Variants in TBL1XR1 observed in about 807,000 individuals in gnomAD.
The protein encoded by TBL1XR1 is TBL1X/Y related 1.
A neutral mutation model predicts 66.9 loss-of-function variants in TBL1XR1; 5 were observed. The ratio of observed to expected loss-of-function variants is 0.07; its 90% CI spans 0.04 to 0.16. The LOEUF (loss-of-function observed/expected upper bound fraction) is 0.16. Among genes scored for constraint, TBL1XR1 ranks in the 10% least tolerant of loss-of-function variants. The pLI is 1.00. For synonymous variants in TBL1XR1, 210 were observed against 206.0 expected (o/e 1.02, Z -0.17); for missense variants, 238 against 623.2 (o/e 0.38, Z 6.58).
chr3:177,199,716 G>A (rs1387061144), upstream of TBL1XR1, among the ~76,000 whole-genome samples: 9 of 152,002 alleles, frequency 5.9e-5, no homozygotes, highest in South Asian at 2.1e-4. Context: ...ATAGGATCAG[G>A]TCTTCCAGCC....
intron 14 of TBL1XR1, among the ~76,000 whole-genome samples, chr3:177,030,468 C>G (rs1392250017): frequency 6.6e-6 from 1 of 151,940 alleles, no homozygotes. Flanking sequence ...AATTTTACCA[C>G]AGAAAATAGT....
At chr3:177,109,031 G>C (rs1725232545) in intron 1 of TBL1XR1, among the ~76,000 whole-genome samples, 1 of 152,128 alleles carries the variant, frequency 6.6e-6, no homozygotes. Context: ...TTCTATAATA[G>C]AGATGAAAAT....
intron 1 of TBL1XR1, among the ~76,000 whole-genome samples, chr3:177,162,019 C>A (rs1732270989): frequency 6.6e-6 from 1 of 152,156 alleles, no homozygotes; most frequent in South Asian, 2.1e-4. Context: ...AAAGAGCAGA[C>A]TGGCACAATC....
rs1268921704 is a variant in TBL1XR1 at position 177,025,458 on chromosome 3, T to A, written c.*40A>T. ...GTCAGGGACAGTCATTTTGGCTATG[T>A]ACACATTCATAGTCGGTCCATGGCT... On this transcript the variant is annotated 3_prime_UTR_variant, in exon 16 of 16. Coordinates refer to ENST00000457928, the MANE Select transcript of TBL1XR1 (RefSeq NM_024665.7). 1 of 1,609,500 alleles carries A rather than the reference T, an allele frequency of 6.2e-7. No individual in the cohort carries two copies. Among genetic ancestry groups the A allele is most frequent in the East Asian group, 2.2e-5 (1 of 44,840 alleles).
rs1050190212 is a variant in TBL1XR1 at position 177,025,808 on chromosome 3, C to A, written c.1519-284G>T. Among the ~76,000 whole-genome samples, 2 of 152,108 alleles carry A rather than the reference C, an allele frequency of 1.3e-5. 1 individual carries two copies. Among genetic ancestry groups the A allele is most frequent in the East Asian group, 3.8e-4 (2 of 5,196 alleles). On this transcript the variant is annotated intron_variant, in intron 15 of 15. Transcript: ENST00000457928. ...GAGGGGGAAAATGCTCAAAACAGAC[C>A]ATTTCCTATCTATTGGACCCTAATG...
chr3:177,157,572 G>C (rs765405740), intron 1 of TBL1XR1, among the ~76,000 whole-genome samples: 7 of 152,176 alleles, frequency 4.6e-5, no homozygotes, highest in Non-Finnish European at 7.3e-5. Context: ...ATCACTCTCT[G>C]CATCAAGGCT....
intron 2 of TBL1XR1, among the ~76,000 whole-genome samples, chr3:177,093,023 C>T (rs1381474346): frequency 1.3e-5 from 2 of 152,148 alleles, no homozygotes; most frequent in Non-Finnish European, 2.9e-5. Context: ...GGAAGGCAAA[C>T]TGTTGCTGTT....
intron 1 of TBL1XR1, among the ~76,000 whole-genome samples, chr3:177,184,632 T>C (rs1018584794): frequency 6.6e-6 from 1 of 152,026 alleles, no homozygotes; most frequent in Admixed American, 6.6e-5. Context: ...TGAAATCCCG[T>C]CTCTACTAAA....
rs555376213 is a variant in TBL1XR1, at chr3:177,059,530, T to G, written c.58+5390A>C. On this transcript the variant is annotated intron_variant, in intron 3 of 15. Coordinates refer to ENST00000457928, the MANE Select transcript of TBL1XR1 (RefSeq NM_024665.7). ...TATAACATTTGAAGTAATAATCATC[T>G]CAAAAAACAAATGGTATGGTACAAG... Among the ~76,000 whole-genome samples the G allele has an allele frequency of 3.9e-5, 6 of 152,224 alleles. No individual in the cohort carries two copies. In the South Asian group the frequency reaches 1.2e-3, roughly 32 times the overall value.
At chr3:177,158,322 G>A (rs1349929090) in intron 1 of TBL1XR1, among the ~76,000 whole-genome samples, 2 of 150,762 alleles carry the variant, frequency 1.3e-5, no homozygotes, top group Non-Finnish European at 3.0e-5. Context: ...CTACCCTCCT[G>A]GGTTCAAGCC....
rs1560188974 is a variant in TBL1XR1, at chr3:177,112,109, T to TA, written c.-121-13569_-121-13568insT. Among the ~76,000 whole-genome samples the TA allele has an allele frequency of 7.1e-3, 260 of 36,618 alleles. 1 individual carries two copies. The highest frequency in any genetic ancestry group is 8.6e-3 in the South Asian group (9 of 1,050). The allele number at this position is 36,618 out of a possible 152,430, so 24.0% of individuals were successfully genotyped here. ...TATATATATATATATATATATATAT[T>TA]TTTTTTTTTTTTTTTTGTGAGGGGC... is the stretch of plus-strand genomic sequence containing the variant. On this transcript the variant is annotated intron_variant, in intron 1 of 15. Coordinates refer to ENST00000457928, the MANE Select transcript of TBL1XR1 (RefSeq NM_024665.7).
At chr3:177,093,423 C>T (rs1442244044) in intron 2 of TBL1XR1, among the ~76,000 whole-genome samples, 4 of 152,116 alleles carry the variant, frequency 2.6e-5, no homozygotes, top group Non-Finnish European at 4.4e-5. Context: ...AAATTCAGTG[C>T]AATTCCCATC....
chr3:177,028,150 A>G (rs1459549421), intron 14 of TBL1XR1, among the ~76,000 whole-genome samples: 2 of 152,208 alleles, frequency 1.3e-5, no homozygotes, highest in Admixed American at 1.3e-4. Context: ...GTATGCTGGC[A>G]CAAGACTTCT....
chr3:177,191,538 G>A (rs985005482), intron 1 of TBL1XR1, among the ~76,000 whole-genome samples: 1 of 152,116 alleles, frequency 6.6e-6, no homozygotes, highest in African/African-American at 2.4e-5. Context: ...GTATAGTCCT[G>A]ATACATAGAA....
chr3:177,176,342 T>C (rs1734150007), intron 1 of TBL1XR1, among the ~76,000 whole-genome samples: 1 of 151,008 alleles, frequency 6.6e-6, no homozygotes, highest in African/African-American at 2.4e-5. Context: ...GATTACAGGC[T>C]TGCGCCACCA....
intron 2 of TBL1XR1, chr3:177,091,054 CAGGAATTGGGGAGATA>C (rs1015626880): frequency 1.6e-4 from 24 of 148,780 alleles, no homozygotes; most frequent in Admixed American, 1.6e-3. Flanking sequence ...GAAATGGGAG[CAGGAATTGGGGAGATA>C]GGGGAGGGGA....
At chr3:177,098,191 A>G (rs146515877) in intron 2 of TBL1XR1, among the ~76,000 whole-genome samples, 2,768 of 151,112 alleles carry the variant, frequency 0.018, 88 homozygotes, top group African/African-American at 0.064. Flanking sequence ...CAGCCTGGCC[A>G]ACAAGAACGA....
Position 177,094,969 on chromosome 3 carries a change from AAATAAAAAAAG to A in TBL1XR1, c.-46+3486_-46+3496del, listed in dbSNP as rs1723279187. Among the ~76,000 whole-genome samples, 5 of 152,180 alleles carry A rather than the reference AAATAAAAAAAG, an allele frequency of 3.3e-5. 1 individual carries two copies. The South Asian group carries it at 1.0e-3, about 32-fold the overall frequency. ...CACCTATTCCCCCAAAAACCGACTG[AAATAAAAAAAG>A]AATAAAAAAATAAAGAAAATGCGTT... On this transcript the variant is annotated intron_variant, in intron 2 of 15. Coordinates refer to ENST00000457928, the MANE Select transcript of TBL1XR1 (RefSeq NM_024665.7).
intron 2 of TBL1XR1, among the ~76,000 whole-genome samples, chr3:177,082,980 G>C (rs149278043): frequency 6.6e-6 from 1 of 151,010 alleles, no homozygotes; most frequent in Admixed American, 6.6e-5. Context: ...GGATGGTCTC[G>C]ATCTCCTGAC....
Sources: allele counts gnomAD v4.1 joint callset (sites outside exome capture counted in the v4.1 genomes callset), GRCh38; gene constraint gnomAD v4.1.1; transcripts MANE v1.5; gene names NCBI Gene and HGNC (gene_info 2026-07-23, HGNC 2026-07-21).